ODAD4: variants seen among roughly 807,000 people sequenced by gnomAD.
ODAD4 encodes the protein outer dynein arm-docking complex subunit 4.
ODAD4 carries 49 observed loss-of-function variants against 51.8 expected under a neutral mutation model. The ratio of observed to expected loss-of-function variants is 0.95; its 90% CI spans 0.75 to 1.20. ODAD4 has a LOEUF of 1.20. ODAD4 is among the 50% of genes most tolerant of loss of function. The pLI is 0.00. For synonymous variants in ODAD4, 235 were observed against 221.3 expected (o/e 1.06, Z -0.55); for missense variants, 590 against 586.5 (o/e 1.01, Z -0.06).
chr17:41,945,135 G>C lies in ODAD4; in HGVS notation c.1059-1G>C. On this transcript the variant is annotated splice_acceptor_variant, in intron 7 of 11. Coordinates refer to ENST00000377540, the MANE Select transcript of ODAD4 (RefSeq NM_031421.5). LOFTEE classifies it high-confidence loss of function. Reference sequence around the variant, plus strand: ...TGGCTTGTTTTGCTTCTTCCCCACAGTGACCTTCCTGATGCAAAATCGAGA... The same window carrying C: ...TGGCTTGTTTTGCTTCTTCCCCACACTGACCTTCCTGATGCAAAATCGAGA... 6.2e-7 allele frequency: 1 copy of C among 1,612,400 alleles called. No homozygotes were observed. Among genetic ancestry groups the C allele is most frequent in the South Asian group, 1.1e-5 (1 of 90,520 alleles).
At chr17:41,935,854 C>A in intron 3 of ODAD4, 105 bp downstream of exon 3, 1 of 1,355,366 alleles carries the variant, frequency 7.4e-7, no homozygotes, top group Admixed American at 2.1e-5. Flanking sequence ...ACCAGGCCCG[C>A]AGGGAGTCCT....
intron 9 of ODAD4, among the ~76,000 whole-genome samples, 179 bp downstream of exon 9, chr17:41,949,528 A>C (rs1376162620): frequency 1.3e-5 from 2 of 152,114 alleles, no homozygotes; most frequent in East Asian, 3.9e-4. Flanking sequence ...TCATTAAGCA[A>C]AGCTTGGTTA....
At chr17:41,950,532 A>G (rs1298123464) in intron 9 of ODAD4, among the ~76,000 whole-genome samples, 1 of 150,766 alleles carries the variant, frequency 6.6e-6, no homozygotes, top group African/African-American at 2.4e-5. Flanking sequence ...ACATGTGTGC[A>G]CCATAATACC....
intron 1 of ODAD4, among the ~76,000 whole-genome samples, chr17:41,931,191 GC>G (rs1480710007): frequency 6.6e-6 from 1 of 151,944 alleles, no homozygotes; most frequent in African/African-American, 2.4e-5. Flanking sequence ...CACTGCGCCT[GC>G]CCCCTGCCCT....
At chr17:41,957,158 G>A (rs782200070) in intron 10 of ODAD4, among the ~76,000 whole-genome samples, 5 of 151,932 alleles carry the variant, frequency 3.3e-5, no homozygotes, top group Non-Finnish European at 7.4e-5. Flanking sequence ...CTCCTGCCTC[G>A]GGCTTCCAAA....
Position 41,933,066 on chromosome 17 carries a change from G to C in ODAD4, c.115-2151G>C, listed in dbSNP as rs113764034. 5.6e-3 allele frequency among the ~76,000 whole-genome samples: 844 copies of C among 151,206 alleles called. 4 individuals are homozygous for C. Among genetic ancestry groups the C allele is most frequent in the Non-Finnish European group, 9.6e-3 (651 of 67,806 alleles). ...ACCCTAAAACCAGAAATGATGACCAGATAAGTGAACAATTGAGTTCGGTAG... is the reference window on the plus strand; with the variant it reads ...ACCCTAAAACCAGAAATGATGACCACATAAGTGAACAATTGAGTTCGGTAG... On this transcript the variant is annotated intron_variant, in intron 1 of 11. Transcript: ENST00000377540.
intron 1 of ODAD4, among the ~76,000 whole-genome samples, chr17:41,932,726 CTTTTTT>C: frequency 8.9e-6 from 1 of 112,022 alleles, no homozygotes; most frequent in African/African-American, 3.2e-5. Context: ...TTCTTTTCTT[CTTTTTT>C]TTTTTTTTTT....
Position 41,936,546 on chromosome 17 carries a change from G to C in ODAD4, c.459+12G>C. ...GCAAGCAGGCTGAGGTAAGGGCCCT[G>C]GTTCTGTGGTTGTATCCCTCCAAGG... On this transcript the variant is annotated intron_variant, in intron 4 of 11. Coordinates refer to ENST00000377540, the MANE Select transcript of ODAD4 (RefSeq NM_031421.5). The C allele has an allele frequency of 6.2e-7, 1 of 1,610,410 alleles. No homozygotes were observed. The highest frequency in any genetic ancestry group is 8.5e-7 in the Non-Finnish European group (1 of 1,177,332).
chr17:41,935,917 C>T (rs951892809), intron 3 of ODAD4, among the ~76,000 whole-genome samples, 168 bp downstream of exon 3: 7 of 152,200 alleles, frequency 4.6e-5, no homozygotes, highest in Non-Finnish European at 7.3e-5. Flanking sequence ...GGCATGGTGG[C>T]GGGCACCACC....
chr17:41,960,626 AG>A (rs1307344202), intron 10 of ODAD4, among the ~76,000 whole-genome samples: 2 of 152,196 alleles, frequency 1.3e-5, no homozygotes, highest in African/African-American at 4.8e-5. Context: ...TTGAAGGGTT[AG>A]GGGCAGAGAG....
intron 2 of ODAD4, 32 bp from the exon 3 acceptor site, chr17:41,935,567 G>A (rs782025850): frequency 6.3e-7 from 1 of 1,597,996 alleles, no homozygotes; most frequent in South Asian, 1.1e-5. Flanking sequence ...GGCCTTATCT[G>A]TTCACATTGA....
At chr17:41,944,790 A>G (rs2050563999) in intron 7 of ODAD4, among the ~76,000 whole-genome samples, 2 of 149,222 alleles carry the variant, frequency 1.3e-5, no homozygotes, top group African/African-American at 5.0e-5. Context: ...CTCTGTCTCA[A>G]AAAAAAAAAG....
Position 41,946,963 on chromosome 17 carries a change from G to A in ODAD4, c.1145+1741G>A, listed in dbSNP as rs2050595861. On this transcript the variant is annotated intron_variant, in intron 8 of 11. Coordinates refer to ENST00000377540, the MANE Select transcript of ODAD4 (RefSeq NM_031421.5). ...CCTCCCGGGTTCACGCCATTCTCCC[G>A]CCTCAGCCTCCTGAGTAGTGGGGAC... is the stretch of plus-strand genomic sequence containing the variant. Among the ~76,000 whole-genome samples, 7 of 151,668 alleles carry A rather than the reference G, an allele frequency of 4.6e-5. No homozygotes were observed. In the South Asian group the frequency reaches 1.2e-3, roughly 27 times the overall value.
intron 10 of ODAD4, among the ~76,000 whole-genome samples, chr17:41,958,010 C>G (rs1401069920): frequency 2.6e-5 from 4 of 152,152 alleles, no homozygotes; most frequent in Non-Finnish European, 5.9e-5. Flanking sequence ...CTCCTGCACT[C>G]AAGCGATCCT....
intron 9 of ODAD4, among the ~76,000 whole-genome samples, chr17:41,951,770 A>G (rs1395334230): frequency 1.3e-5 from 2 of 149,498 alleles, no homozygotes; most frequent in Admixed American, 6.8e-5. Context: ...TGTAGTCCCA[A>G]CTACTCGGGA....
chr17:41,937,063 C>T (rs2050439891), intron 5 of ODAD4, 136 bp downstream of exon 5: 3 of 1,084,030 alleles, frequency 2.8e-6, no homozygotes, highest in Non-Finnish European at 4.0e-6. Context: ...TTAGCATTCT[C>T]ATTTTACAGA....
intron 9 of ODAD4, among the ~76,000 whole-genome samples, chr17:41,954,839 A>G (rs1390565642): frequency 6.7e-6 from 1 of 149,630 alleles, no homozygotes; most frequent in Middle Eastern, 3.4e-3. Context: ...AACAAGAGTG[A>G]AACTCTGTCT....
At chr17:41,963,697 G>A (rs1396012371) in intron 11 of ODAD4, among the ~76,000 whole-genome samples, 1 of 150,634 alleles carries the variant, frequency 6.6e-6, no homozygotes, top group African/African-American at 2.4e-5. Flanking sequence ...GGAATGCAGT[G>A]GTGCAATCTC....
chr17:41,932,491 T>C (rs1230123990), intron 1 of ODAD4, among the ~76,000 whole-genome samples: 2 of 152,086 alleles, frequency 1.3e-5, no homozygotes, highest in East Asian at 1.9e-4. Flanking sequence ...GCTGAGGTGC[T>C]AACCACAAAA....
Sources: gnomAD v4.1 joint callset for allele counts (sites outside exome capture counted in the v4.1 genomes callset) on GRCh38, gnomAD v4.1.1 for gene constraint, MANE v1.5 for transcripts, NCBI Gene and HGNC (gene_info 2026-07-23, HGNC 2026-07-21) for gene names.